CAB39: variants seen among roughly 807,000 people sequenced by gnomAD.
The protein encoded by CAB39 is calcium-binding protein 39.
Under a neutral mutation model 40.0 loss-of-function variants are expected in CAB39, and 8 were observed. The observed-to-expected ratio is 0.20, with a 90% CI of 0.12 to 0.36. The LOEUF (loss-of-function observed/expected upper bound fraction) is 0.36. CAB39 is among the 10% of genes least tolerant of loss of function. CAB39 has a pLI of 1.00. For missense variants in CAB39, 270 were observed against 401.1 expected, an observed-to-expected ratio of 0.67 and a Z score of 2.79; for synonymous variants, 156 against 141.6, an observed-to-expected ratio of 1.10 and a Z score of -0.72.
intron 2 of CAB39, among the ~76,000 whole-genome samples, chr2:230,762,718 A>G (rs1380503305): frequency 6.6e-6 from 1 of 152,246 alleles, no homozygotes; most frequent in Admixed American, 6.5e-5. Context: ...CATTCATTCT[A>G]TTCATCAGAA....
At chr2:230,766,614 C>T (rs924754902) in intron 2 of CAB39, among the ~76,000 whole-genome samples, 1 of 152,238 alleles carries the variant, frequency 6.6e-6, no homozygotes, top group Non-Finnish European at 1.5e-5. Context: ...TCGCTTGCTG[C>T]AGCTTCCACC....
At chr2:230,765,323 G>A (rs1257209823) in intron 2 of CAB39, among the ~76,000 whole-genome samples, 1 of 152,112 alleles carries the variant, frequency 6.6e-6, no homozygotes. Flanking sequence ...TGGCGTCACT[G>A]CCTTTGTTCA....
At chr2:230,767,403 G>C (rs999158593) in intron 2 of CAB39, among the ~76,000 whole-genome samples, 1 of 152,080 alleles carries the variant, frequency 6.6e-6, no homozygotes, top group African/African-American at 2.4e-5. Context: ...CTCTGCCCTG[G>C]ATTACTGTAG....
chr2:230,724,244 C>T lies in CAB39; in HGVS notation c.-44+11014C>T, dbSNP rs529402843. 2.5e-3 allele frequency among the ~76,000 whole-genome samples: 254 copies of T among 101,200 alleles called. 1 individual carries two copies. The highest frequency in any genetic ancestry group is 0.021 in the South Asian group (63 of 3,020). 66.4% of individuals were successfully genotyped at this position (101,200 alleles called of 152,430 possible). On this transcript the variant is annotated intron_variant, in intron 1 of 8. Transcript: ENST00000258418. The stretch of plus-strand genomic sequence containing the variant: ...CCTGGGTGACAGACCAAGACTGTCT[C>T]AAAAAAAAAAAAAAAGAAGATAGCA...
intron 1 of CAB39, chr2:230,725,190 T>G: frequency 6.2e-7 from 1 of 1,609,302 alleles, no homozygotes; most frequent in South Asian, 1.1e-5. Flanking sequence ...CGGGACTGCT[T>G]GGCGCTGGCG....
At chr2:230,755,928 A>G (rs996537414) in intron 1 of CAB39, among the ~76,000 whole-genome samples, 3 of 152,158 alleles carry the variant, frequency 2.0e-5, no homozygotes, top group Non-Finnish European at 4.4e-5. Context: ...TACTCTAGGG[A>G]TTGTCAGTTT....
At chr2:230,795,211 G>A (rs978950870) in intron 4 of CAB39, among the ~76,000 whole-genome samples, 2 of 151,930 alleles carry the variant, frequency 1.3e-5, no homozygotes, top group Non-Finnish European at 2.9e-5. Flanking sequence ...AGGAGATGGA[G>A]GTTGCAGTGA....
chr2:230,790,017 A>G (rs565161747), intron 2 of CAB39, among the ~76,000 whole-genome samples: 128 of 152,182 alleles, frequency 8.4e-4, no homozygotes, highest in Non-Finnish European at 1.6e-3. Flanking sequence ...TGAGCCCAGG[A>G]GTTTGAGACC....
chr2:230,730,916 A>G (rs189019331), intron 1 of CAB39, among the ~76,000 whole-genome samples: 3 of 152,346 alleles, frequency 2.0e-5, no homozygotes, highest in Non-Finnish European at 2.9e-5. Flanking sequence ...GATAACTGCC[A>G]TTTATTAGTA....
chr2:230,720,326 G>T (rs1038777684), intron 1 of CAB39, among the ~76,000 whole-genome samples: 16 of 152,184 alleles, frequency 1.1e-4, no homozygotes, highest in African/African-American at 3.9e-4. Context: ...AGATCACAGG[G>T]TTCTTTGCAG....
intron 1 of CAB39, among the ~76,000 whole-genome samples, chr2:230,754,037 G>A (rs541241177): frequency 6.6e-6 from 1 of 152,298 alleles, no homozygotes; most frequent in African/African-American, 2.4e-5. Context: ...AGTAGTTTGG[G>A]GAGCAGAAAG....
In CAB39 at chr2:230,789,481, A is replaced by C. The variant is rs528759029; in HGVS notation, c.115-1391A>C. Among the ~76,000 whole-genome samples the C allele has an allele frequency of 3.9e-5, 6 of 152,332 alleles. No homozygotes were observed. In the East Asian group the frequency reaches 1.2e-3, roughly 29 times the overall value. ...GCAGGACCAGATCAGAGTTTGGCCT[A>C]GGATTAATTTTGTATGCCTACTGAG... On this transcript the variant is annotated intron_variant, in intron 2 of 8. Transcript: ENST00000258418.
chr2:230,723,232 T>C (rs1285147032), intron 1 of CAB39, among the ~76,000 whole-genome samples: 1 of 152,280 alleles, frequency 6.6e-6, no homozygotes, highest in East Asian at 1.9e-4. Flanking sequence ...ATATTGCCAT[T>C]GGGGGTTTAA....
chr2:230,743,031 G>T (rs1256095510), intron 1 of CAB39, among the ~76,000 whole-genome samples: 1 of 152,178 alleles, frequency 6.6e-6, no homozygotes, highest in African/African-American at 2.4e-5. Context: ...ACATCGTGTG[G>T]TCTCTTTGTG....
intron 1 of CAB39, among the ~76,000 whole-genome samples, chr2:230,727,401 T>TGTGTGTGTGTGTGTGTGTG (rs1491396666): frequency 1.4e-5 from 2 of 144,176 alleles, no homozygotes; most frequent in African/African-American, 2.6e-5. Flanking sequence ...TGTGTGTGTA[T>TGTGTGTGTGTGTGTGTGTG]TTTTTTTTCT....
intron 5 of CAB39, among the ~76,000 whole-genome samples, chr2:230,802,981 A>T (rs192162217): frequency 6.6e-6 from 1 of 152,242 alleles, no homozygotes; most frequent in Non-Finnish European, 1.5e-5. Context: ...AATATCCCTG[A>T]TGAACATCAA....
rs557866673 is a variant in CAB39 at position 230,725,775 on chromosome 2, C to A, written c.-44+12545C>A. On this transcript the variant is annotated intron_variant, in intron 1 of 8. Transcript: ENST00000258418. ...GATGTCTCAGGACACAAAGAACTTTCATTTCTCTTTACTGAGTTGCTGTCA... is the reference window on the plus strand; with the variant it reads ...GATGTCTCAGGACACAAAGAACTTTAATTTCTCTTTACTGAGTTGCTGTCA... Among the ~76,000 whole-genome samples the A allele has an allele frequency of 2.8e-3, 424 of 152,258 alleles. 4 individuals carry two copies. The highest frequency in any genetic ancestry group is 3.2e-3 in the Non-Finnish European group (217 of 68,020).
intron 5 of CAB39, among the ~76,000 whole-genome samples, chr2:230,807,805 A>G (rs574137122): frequency 1.3e-5 from 2 of 152,178 alleles, no homozygotes; most frequent in East Asian, 3.9e-4. Flanking sequence ...TAAGAATCCA[A>G]CCTCAGTTGA....
chr2:230,725,895 A>G (rs1224369516), intron 1 of CAB39, among the ~76,000 whole-genome samples: 6 of 152,210 alleles, frequency 3.9e-5, no homozygotes, highest in Non-Finnish European at 8.8e-5. Context: ...GATGGAATCT[A>G]CAAATCATCA....
Sources: allele counts gnomAD v4.1 joint callset (sites outside exome capture counted in the v4.1 genomes callset), GRCh38; gene constraint gnomAD v4.1.1; transcripts MANE v1.5; gene names NCBI Gene and HGNC (gene_info 2026-07-23, HGNC 2026-07-21).